Variants in KIAA0825 observed in about 807,000 individuals in gnomAD.
KIAA0825 encodes KIAA0825.
A neutral mutation model predicts 147.6 loss-of-function variants in KIAA0825; 119 were observed. That is an observed-to-expected ratio of 0.81 (90% CI 0.69 to 0.94). KIAA0825 has a LOEUF of 0.94. Ranked by LOEUF, KIAA0825 falls within the 40% of genes least tolerant of loss-of-function variation. The pLI is 0.00. For synonymous variants in KIAA0825, 470 were observed against 518.1 expected, an observed-to-expected ratio of 0.91 and a Z score of 1.26; for missense variants, 1,381 against 1,472.7, an observed-to-expected ratio of 0.94 and a Z score of 1.02.
intron 1 of KIAA0825, among the ~76,000 whole-genome samples, chr5:94,596,205 T>C (rs1447806905): frequency 6.6e-6 from 1 of 152,242 alleles, no homozygotes; most frequent in Non-Finnish European, 1.5e-5. Context: ...CCAGGGATTT[T>C]ATAGTTTTGG....
intron 20 of KIAA0825, among the ~76,000 whole-genome samples, chr5:94,298,512 G>A (rs192489501): frequency 4.8e-4 from 73 of 152,286 alleles, no homozygotes; most frequent in African/African-American, 1.6e-3. Context: ...TGTGTGGGAC[G>A]TAAGCACTCT....
chr5:94,242,891 G>GA (rs1775424757), intron 20 of KIAA0825, among the ~76,000 whole-genome samples: 2 of 152,154 alleles, frequency 1.3e-5, no homozygotes, highest in Non-Finnish European at 2.9e-5. Flanking sequence ...AAAGTGCTGG[G>GA]ATTACAGGTG....
At chr5:94,409,882 T>G (rs777661121) in intron 15 of KIAA0825, among the ~76,000 whole-genome samples, 26 of 152,216 alleles carry the variant, frequency 1.7e-4, no homozygotes, top group Middle Eastern at 6.8e-3. Flanking sequence ...CAACAAAATC[T>G]GTAATGGAAG....
chr5:94,560,054 G>A (rs533792386), intron 2 of KIAA0825, among the ~76,000 whole-genome samples: 1 of 152,084 alleles, frequency 6.6e-6, no homozygotes, highest in African/African-American at 2.4e-5. Flanking sequence ...TTTTCTCTGA[G>A]GGCTGCTTCC....
chr5:94,320,499 C>T (rs1470861446), intron 20 of KIAA0825, among the ~76,000 whole-genome samples: 1 of 151,752 alleles, frequency 6.6e-6, no homozygotes, highest in Admixed American at 6.6e-5. Flanking sequence ...ACCCCACACC[C>T]CTGCACTTCC....
At chr5:94,503,715 TTG>T (rs1237958948) in intron 5 of KIAA0825, among the ~76,000 whole-genome samples, 1 of 152,228 alleles carries the variant, frequency 6.6e-6, no homozygotes, top group Non-Finnish European at 1.5e-5. Flanking sequence ...ACTTCCCTTC[TTG>T]GTTGTCTTAG....
chr5:94,363,540 T>C (rs987584977), intron 20 of KIAA0825, among the ~76,000 whole-genome samples: 3 of 152,156 alleles, frequency 2.0e-5, no homozygotes, highest in Non-Finnish European at 2.9e-5. Flanking sequence ...AACATCCGCA[T>C]TGTTTAACTT....
chr5:94,535,974 G>A (rs573188755), intron 3 of KIAA0825, among the ~76,000 whole-genome samples: 2 of 152,120 alleles, frequency 1.3e-5, no homozygotes, highest in South Asian at 4.2e-4. Context: ...TAAAGGGGTG[G>A]GATTCCCTTC....
intron 2 of KIAA0825, among the ~76,000 whole-genome samples, chr5:94,576,205 T>A (rs567754853): frequency 6.6e-6 from 1 of 152,180 alleles, no homozygotes; most frequent in South Asian, 2.1e-4. Flanking sequence ...TTAACATATA[T>A]ACAAAATAAA....
intron 20 of KIAA0825, among the ~76,000 whole-genome samples, chr5:94,374,421 T>C (rs1372601959): frequency 6.6e-6 from 1 of 152,182 alleles, no homozygotes; most frequent in Non-Finnish European, 1.5e-5. Flanking sequence ...ATCCATATAA[T>C]CTCCCCATAT....
chr5:94,270,189 C>G (rs1280670079), intron 20 of KIAA0825, among the ~76,000 whole-genome samples: 1 of 152,054 alleles, frequency 6.6e-6, no homozygotes, highest in Non-Finnish European at 1.5e-5. Flanking sequence ...TAGCTGACTT[C>G]AAATTATACA....
At chr5:94,298,933 C>G (rs182329505) in intron 20 of KIAA0825, among the ~76,000 whole-genome samples, 2 of 152,180 alleles carry the variant, frequency 1.3e-5, no homozygotes, top group East Asian at 3.9e-4. Context: ...TTTATCAGCT[C>G]TTAGGATAGG....
chr5:94,534,016 G>C (rs1377150031), intron 3 of KIAA0825, among the ~76,000 whole-genome samples: 4 of 152,182 alleles, frequency 2.6e-5, no homozygotes, highest in Non-Finnish European at 4.4e-5. Context: ...TTCATAAATA[G>C]ATGTCAGGGT....
At chr5:94,357,866 A>G (rs1430099671) in intron 20 of KIAA0825, among the ~76,000 whole-genome samples, 1 of 152,170 alleles carries the variant, frequency 6.6e-6, no homozygotes, top group African/African-American at 2.4e-5. Flanking sequence ...GTATTCAAGT[A>G]ACATGAATGT....
intron 20 of KIAA0825, among the ~76,000 whole-genome samples, chr5:94,363,707 T>A (rs1429814972): frequency 6.6e-6 from 1 of 151,884 alleles, no homozygotes; most frequent in Non-Finnish European, 1.5e-5. Context: ...CAAAAAAAAT[T>A]TTTTTTAAAA....
intron 20 of KIAA0825, among the ~76,000 whole-genome samples, chr5:94,256,377 T>C (rs1056703863): frequency 2.6e-5 from 4 of 152,276 alleles, no homozygotes; most frequent in Non-Finnish European, 4.4e-5. Flanking sequence ...CTAACTCCTA[T>C]AGCAGTTAGG....
chr5:94,455,296 T>A (rs773181426), intron 12 of KIAA0825, among the ~76,000 whole-genome samples: 52 of 151,682 alleles, frequency 3.4e-4, no homozygotes, highest in Non-Finnish European at 6.0e-4. Context: ...GAAGGAATAA[T>A]CAGAGAAGTA....
chr5:94,565,911 T>G (rs1273754248), intron 2 of KIAA0825, among the ~76,000 whole-genome samples: 2 of 152,192 alleles, frequency 1.3e-5, no homozygotes, highest in Non-Finnish European at 2.9e-5. Flanking sequence ...ACTTTATCCT[T>G]TGACCCATAT....
chr5:94,180,134 A>G (rs1769470596), intron 20 of KIAA0825, among the ~76,000 whole-genome samples: 1 of 152,054 alleles, frequency 6.6e-6, no homozygotes, highest in Non-Finnish European at 1.5e-5. Context: ...TACAAGCTCA[A>G]CCAAATGATC....
Sources: allele counts gnomAD v4.1 joint callset (sites outside exome capture counted in the v4.1 genomes callset), GRCh38; gene constraint gnomAD v4.1.1; transcripts MANE v1.5; gene names NCBI Gene and HGNC (gene_info 2026-07-23, HGNC 2026-07-21).